SEMA4F: variants seen among roughly 807,000 people sequenced by gnomAD.
SEMA4F encodes the protein ssemaphorin 4F.
In SEMA4F, 51 loss-of-function variants were observed where a neutral mutation model predicts 78.4. The observed-to-expected ratio is 0.65, with a 90% CI of 0.52 to 0.82. The LOEUF (loss-of-function observed/expected upper bound fraction) is 0.82. SEMA4F is among the 40% of genes least tolerant of loss of function. The probability of loss-of-function intolerance (pLI) is 0.00; values close to 1 mark genes in which losing one functional copy is unlikely to be tolerated. For missense variants in SEMA4F, 938 were observed against 1,014.4 expected (o/e 0.92, Z 1.02); for synonymous variants, 418 against 408.7 (o/e 1.02, Z -0.27).
In SEMA4F at chr2:74,683,207, G is replaced by A. The variant is rs1685714757; in HGVS notation, c.*2998G>A. On this transcript the variant is annotated 3_prime_UTR_variant, in exon 14 of 14. Coordinates refer to ENST00000357877, the MANE Select transcript of SEMA4F (RefSeq NM_004263.5). ...AGATTAATGATTGAGAAGGATGATT[G>A]GACCTGTCTAGTCAGGGAGGCTGAG... is the stretch of plus-strand genomic sequence containing the variant. 1 of 152,206 alleles carries A rather than the reference G, an allele frequency of 6.6e-6. No homozygotes were observed. The highest frequency in any genetic ancestry group is 2.4e-5 in the African/African-American group (1 of 41,434). 9.4% of individuals were successfully genotyped at this position (152,206 alleles called of 1,614,324 possible).
chr2:74,665,735 T>C (rs915943531), intron 5 of SEMA4F, among the ~76,000 whole-genome samples: 2 of 152,138 alleles, frequency 1.3e-5, no homozygotes, highest in East Asian at 3.8e-4. Flanking sequence ...TTTTTCTAGG[T>C]TTTTAATCAA....
In SEMA4F at chr2:74,654,347, C is replaced by T; in HGVS notation, c.-30C>T. 6.9e-7 allele frequency: 1 copy of T among 1,455,648 alleles called. No homozygotes were observed. The highest frequency in any genetic ancestry group is 1.5e-5 in the African/African-American group (1 of 67,604). 90.2% of individuals were successfully genotyped at this position (1,455,648 alleles called of 1,614,324 possible). On this transcript the variant is annotated 5_prime_UTR_variant, in exon 1 of 14. Coordinates refer to ENST00000357877, the MANE Select transcript of SEMA4F (RefSeq NM_004263.5). ...GGCCCTGAGCAGAGGCCGTAGCTTGCGCCGCACCCGCGGCCAGGCGGAGCC... is the reference window on the plus strand; with the variant it reads ...GGCCCTGAGCAGAGGCCGTAGCTTGTGCCGCACCCGCGGCCAGGCGGAGCC...
intron 7 of SEMA4F, 49 bp downstream of exon 7, chr2:74,673,877 C>T (rs1471990177): frequency 1.9e-6 from 3 of 1,573,874 alleles, no homozygotes; most frequent in East Asian, 2.2e-5. Flanking sequence ...CTCTGTCTGT[C>T]CCCCGTCTTA....
chr2:74,665,290 C>T (rs894573754), intron 5 of SEMA4F, among the ~76,000 whole-genome samples: 9 of 143,562 alleles, frequency 6.3e-5, no homozygotes, highest in South Asian at 4.4e-4. Flanking sequence ...AGTGCAGTGG[C>T]GCAATCTCCA....
rs1288370811 is a variant in SEMA4F at position 74,674,686 on chromosome 2, C to G, written c.1001+10C>G. 2 of 1,612,910 alleles carry G rather than the reference C, an allele frequency of 1.2e-6. No homozygotes were observed. Among genetic ancestry groups the G allele is most frequent in the South Asian group, 1.1e-5 (1 of 90,860 alleles). ...TCTTTTCTTCCCAGTGGTGAGGGGTCTTGGTGTGGAGGAGAGTTACAGGGT... is the reference window on the plus strand; with the variant it reads ...TCTTTTCTTCCCAGTGGTGAGGGGTGTTGGTGTGGAGGAGAGTTACAGGGT... On this transcript the variant is annotated intron_variant, in intron 8 of 13. Transcript: ENST00000357877.
intron 5 of SEMA4F, among the ~76,000 whole-genome samples, chr2:74,667,084 G>A (rs1305125681): frequency 2.6e-5 from 4 of 152,072 alleles, no homozygotes; most frequent in African/African-American, 7.2e-5. Flanking sequence ...TGTATACTGA[G>A]CATTTTCTCA....
the SEMA4F span, among the ~76,000 whole-genome samples, chr2:74,691,210 T>C: frequency 6.6e-6 from 1 of 152,262 alleles, no homozygotes; most frequent in East Asian, 1.9e-4. Flanking sequence ...ATATATTTAC[T>C]GTTGTAAATA....
At chr2:74,695,645 T>C in the SEMA4F span, among the ~76,000 whole-genome samples, 5,215 of 152,252 alleles carry the variant, frequency 0.034, 267 homozygotes, top group African/African-American at 0.11. Context: ...TGAGTTACCT[T>C]TTATATGACC....
At chr2:74,703,746 G>A in the SEMA4F span, among the ~76,000 whole-genome samples, 4 of 152,338 alleles carry the variant, frequency 2.6e-5, no homozygotes, top group South Asian at 2.1e-4. Flanking sequence ...TGCAGATTCA[G>A]TAACACCTTC....
intron 5 of SEMA4F, among the ~76,000 whole-genome samples, chr2:74,665,812 C>A (rs1425769038): frequency 6.6e-6 from 1 of 151,274 alleles, no homozygotes. Flanking sequence ...TCTCTTGAGT[C>A]TATAAAATTG....
intron 12 of SEMA4F, among the ~76,000 whole-genome samples, chr2:74,676,498 A>G (rs1685287480): frequency 6.6e-6 from 1 of 152,230 alleles, no homozygotes; most frequent in South Asian, 2.1e-4. Flanking sequence ...AGCAACTCAA[A>G]CTTAGCAAGT....
At position 74,673,562 on chromosome 2, in the gene SEMA4F, C is replaced by G; in HGVS notation, c.656C>G (p.Pro219Arg). 2 of 1,614,174 alleles carry G rather than the reference C, an allele frequency of 1.2e-6. No individual in the cohort carries two copies. The highest frequency in any genetic ancestry group is 2.2e-5 in the East Asian group (1 of 44,876). Reference protein sequence around the residue: ...AEDWIRTDTLPSWLNAPAFVA... With the variant: ...AEDWIRTDTLRSWLNAPAFVA... ...GACTGGATTCGGACAGATACCTTGC[C>G]TTCCTGGCTGAACGGTGGGGAGAGG... The change falls in exon 6 of 14, where the codon CCT becomes CGT. Residue 219 changes from proline to arginine, a missense_variant. Pro to Arg is a moderately radical substitution (Grantham distance 103, BLOSUM62 -2). Coordinates refer to ENST00000357877, the MANE Select transcript of SEMA4F (RefSeq NM_004263.5).
At position 74,679,863 on chromosome 2, in the gene SEMA4F, C is replaced by T. The variant is rs776701539; in HGVS notation, c.1967C>T (p.Ala656Val). 3 of 1,614,212 alleles carry T rather than the reference C, an allele frequency of 1.9e-6. No individual in the cohort carries two copies. Among genetic ancestry groups the T allele is most frequent in the Non-Finnish European group, 1.7e-6 (2 of 1,180,042 alleles). The change falls in exon 14 of 14, where the codon GCC becomes GTC. Residue 656 changes from alanine (A) to valine (V), a missense_variant. Physicochemically the swap from Ala to Val is moderately conservative, Grantham distance 64. Transcript: ENST00000357877. ...WGSQRDAPSR[A>V]HTVGAGLAGF... ...AGCCAGCGAGATGCTCCGAGCCGGG[C>T]CCACACAGTGGGGGCGGGACTGGCT... is the stretch of plus-strand genomic sequence containing the variant.
chr2:74,674,302 A>T (rs1474603342), intron 7 of SEMA4F, among the ~76,000 whole-genome samples, 196 bp from the exon 8 acceptor site: 1 of 152,168 alleles, frequency 6.6e-6, no homozygotes, highest in Admixed American at 6.5e-5. Context: ...TGTCATTGTT[A>T]TTGTGACCCC....
chr2:74,701,581 C>T, the SEMA4F span, among the ~76,000 whole-genome samples: 4 of 152,122 alleles, frequency 2.6e-5, no homozygotes, highest in South Asian at 2.1e-4. Flanking sequence ...CGCCATGCTC[C>T]GTGAGTCCCT....
At chr2:74,696,106 C>CT in the SEMA4F span, among the ~76,000 whole-genome samples, 1 of 146,448 alleles carries the variant, frequency 6.8e-6, no homozygotes, top group Non-Finnish European at 1.5e-5. Context: ...TTATTAATTT[C>CT]TTTTTTGCAA....
chr2:74,704,973 T>G, the SEMA4F span, among the ~76,000 whole-genome samples: 18 of 152,256 alleles, frequency 1.2e-4, no homozygotes, highest in East Asian at 3.5e-3. Context: ...TCATGCAAAT[T>G]AGGATCATAT....
chr2:74,679,380 G>C (rs1467078089), intron 13 of SEMA4F, 46 bp downstream of exon 13: 3 of 1,530,350 alleles, frequency 2.0e-6, no homozygotes, highest in Non-Finnish European at 2.7e-6. Context: ...TGGAGTGGAT[G>C]GAAAGGGGCT....
Position 74,673,802 on chromosome 2 carries a change from G to T in SEMA4F, c.796G>T (p.Val266Phe), listed in dbSNP as rs1685117379. 3 of 1,613,982 alleles carry T rather than the reference G, an allele frequency of 1.9e-6. No individual in the cohort carries two copies. Among genetic ancestry groups the T allele is most frequent in the African/African-American group, 1.3e-5 (1 of 74,932 alleles). Residue 266 changes from valine to phenylalanine, a missense_variant, in exon 7 of 14, where the codon GTC becomes TTC. Val to Phe is a conservative substitution (Grantham distance 50, BLOSUM62 -1). Transcript: ENST00000357877. Reference protein sequence around the residue: ...RAFDSYERIKVPRVARVCAGD... With the variant: ...RAFDSYERIKFPRVARVCAGD... ...ATTTGACTCATACGAGCGCATTAAAGTCCCACGGGTGGCCCGTGTGTGTGC... is the reference window on the plus strand; with the variant it reads ...ATTTGACTCATACGAGCGCATTAAATTCCCACGGGTGGCCCGTGTGTGTGC...
Sources: allele counts gnomAD v4.1 joint callset (sites outside exome capture counted in the v4.1 genomes callset), GRCh38; gene constraint gnomAD v4.1.1; transcripts MANE v1.5; gene names NCBI Gene and HGNC (gene_info 2026-07-23, HGNC 2026-07-21).